GTF2A1L: variants seen among roughly 807,000 people sequenced by gnomAD.
GTF2A1L encodes general transcription factor IIA subunit 1 like, also known as TFIIA-alpha and beta-like factor.
GTF2A1L carries 48 observed loss-of-function variants against 49.7 expected under a neutral mutation model. The observed-to-expected ratio is 0.97, with a 90% CI of 0.77 to 1.23. The LOEUF (loss-of-function observed/expected upper bound fraction) is 1.23. Among genes scored for constraint, GTF2A1L ranks in the 50% most tolerant of loss-of-function variants. The pLI, the probability that GTF2A1L is intolerant of heterozygous loss-of-function variation, is 0.00. For synonymous variants in GTF2A1L, 246 were observed against 193.5 expected, an observed-to-expected ratio of 1.27 and a Z score of -2.25; for missense variants, 736 against 564.8, an observed-to-expected ratio of 1.30 and a Z score of -3.07.
At chr2:48,657,121 A>G (rs1211396535) in intron 6 of GTF2A1L, among the ~76,000 whole-genome samples, 10 of 152,122 alleles carry the variant, frequency 6.6e-5, no homozygotes, top group Non-Finnish European at 1.5e-5. Context: ...TTTATTTAAG[A>G]TTCAGGGAGT....
intron 6 of GTF2A1L, among the ~76,000 whole-genome samples, chr2:48,660,585 G>T (rs183744691): frequency 1.3e-5 from 2 of 151,964 alleles, no homozygotes; most frequent in African/African-American, 4.8e-5. Context: ...TTCTCTTAAA[G>T]TTCTTTATAT....
rs746288394 is a variant in GTF2A1L at position 48,646,977 on chromosome 2, G to C, written c.913G>C (p.Gly305Arg). ...TCATATTCTTAAAAATAGGATGTAT[G>C]GATGTGATTCTGTAAAGCAACCAAG... The part of the protein sequence containing the change: ...QLHILKNRMY[G>R]CDSVKQPRNI... The change falls in exon 6 of 9, where the codon GGA (glycine) becomes CGA (arginine). Residue 305 changes from glycine (G) to arginine (R), a missense_variant. Physicochemically the swap from Gly to Arg is moderately radical, Grantham distance 125. Coordinates refer to ENST00000403751, the MANE Select transcript of GTF2A1L (RefSeq NM_006872.5). 5.6e-6 allele frequency: 9 copies of C among 1,614,094 alleles called. No homozygotes were observed. The South Asian group carries it at 7.7e-5, about 14-fold the overall frequency.
chr2:48,623,731 T>G (rs1676142140), intron 3 of GTF2A1L, among the ~76,000 whole-genome samples: 1 of 152,120 alleles, frequency 6.6e-6, no homozygotes, highest in Admixed American at 6.5e-5. Flanking sequence ...TATGCAACCT[T>G]AAAAAAGAGA....
At chr2:48,625,392 A>G (rs528816436) in intron 3 of GTF2A1L, among the ~76,000 whole-genome samples, 6 of 143,888 alleles carry the variant, frequency 4.2e-5, no homozygotes, top group Non-Finnish European at 6.3e-5. Context: ...TCCTTTGCCA[A>G]TTTTTGAAAA....
chr2:48,649,872 G>A (rs186500503), intron 6 of GTF2A1L, among the ~76,000 whole-genome samples: 57 of 152,188 alleles, frequency 3.7e-4, no homozygotes, highest in Middle Eastern at 3.4e-3. Flanking sequence ...ATACTTTACT[G>A]GGAACACCAA....
At chr2:48,676,061 A>T (rs1417323707) in intron 8 of GTF2A1L, among the ~76,000 whole-genome samples, 3 of 151,942 alleles carry the variant, frequency 2.0e-5, no homozygotes, top group Non-Finnish European at 2.9e-5. Flanking sequence ...ATAAGTAGTT[A>T]TATTAGTTTT....
At chr2:48,644,913 T>C in intron 4 of GTF2A1L, 120 bp from the exon 5 acceptor site, 2 of 777,624 alleles carry the variant, frequency 2.6e-6, no homozygotes, top group Non-Finnish European at 2.0e-6. Flanking sequence ...TAATATTAAA[T>C]GTTAAGTATT....
chr2:48,662,979 G>T (rs902381182), intron 6 of GTF2A1L, among the ~76,000 whole-genome samples: 1 of 151,908 alleles, frequency 6.6e-6, no homozygotes, highest in Non-Finnish European at 1.5e-5. Flanking sequence ...TATTACCTGG[G>T]TGATGAAATT....
In GTF2A1L at chr2:48,625,569, T is replaced by C. The variant is rs865882124; in HGVS notation, c.247+4279T>C. Among the ~76,000 whole-genome samples, 17 of 143,362 alleles carry C rather than the reference T, an allele frequency of 1.2e-4. 3 individuals carry two copies. The highest frequency in any genetic ancestry group is 4.3e-4 in the Admixed American group (6 of 14,076). The allele number at this position is 143,362 out of a possible 152,430, so 94.1% of individuals were successfully genotyped here. ...TGTGCAGGAGCTTTTTAATTTGATGTCTGTATTTATTTTATTTTATTTTAT... is the reference window on the plus strand; with the variant it reads ...TGTGCAGGAGCTTTTTAATTTGATGCCTGTATTTATTTTATTTTATTTTAT... On this transcript the variant is annotated intron_variant, in intron 3 of 8. Coordinates refer to ENST00000403751, the MANE Select transcript of GTF2A1L (RefSeq NM_006872.5).
At chr2:48,666,545 G>A (rs1448426157) in intron 6 of GTF2A1L, among the ~76,000 whole-genome samples, 1 of 151,358 alleles carries the variant, frequency 6.6e-6, no homozygotes, top group Non-Finnish European at 1.5e-5. Flanking sequence ...AGATGTTTAG[G>A]CCATTTATAT....
chr2:48,645,715 C>T (rs1677458344), intron 5 of GTF2A1L, among the ~76,000 whole-genome samples: 3 of 152,204 alleles, frequency 2.0e-5, no homozygotes, highest in African/African-American at 7.2e-5. Context: ...GTGGCGCAAT[C>T]TCTGCTCACT....
intron 4 of GTF2A1L, among the ~76,000 whole-genome samples, chr2:48,643,741 C>G (rs531596740): frequency 6.7e-6 from 1 of 148,622 alleles, no homozygotes; most frequent in South Asian, 2.2e-4. Flanking sequence ...CTCTGTCACC[C>G]AAGTCTGGAG....
intron 6 of GTF2A1L, among the ~76,000 whole-genome samples, chr2:48,667,676 A>C (rs978220266): frequency 6.6e-6 from 1 of 152,220 alleles, no homozygotes; most frequent in Non-Finnish European, 1.5e-5. Flanking sequence ...AGTAAAAATT[A>C]ATTACATGTA....
At chr2:48,669,413 C>T (rs1679045033) in intron 6 of GTF2A1L, among the ~76,000 whole-genome samples, 1 of 151,956 alleles carries the variant, frequency 6.6e-6, no homozygotes, top group Non-Finnish European at 1.5e-5. Context: ...TAGTTAAATC[C>T]TAATAGGTAC....
chr2:48,665,985 T>C (rs988285166), intron 6 of GTF2A1L, among the ~76,000 whole-genome samples: 1 of 152,140 alleles, frequency 6.6e-6, no homozygotes, highest in African/African-American at 2.4e-5. Flanking sequence ...TGTTTGTAGG[T>C]ATATAAGTAT....
intron 8 of GTF2A1L, among the ~76,000 whole-genome samples, chr2:48,678,415 CTG>C (rs1340060170): frequency 6.6e-6 from 1 of 151,996 alleles, no homozygotes; most frequent in African/African-American, 2.4e-5. Context: ...GGGGTTTATC[CTG>C]TGTGTTTTCT....
At chr2:48,627,879 C>A (rs1441641827) in intron 3 of GTF2A1L, among the ~76,000 whole-genome samples, 1 of 143,220 alleles carries the variant, frequency 7.0e-6, no homozygotes, top group Non-Finnish European at 1.6e-5. Flanking sequence ...TTCCTCTCAC[C>A]CTCATCCCTC....
chr2:48,661,696 A>ATT (rs71399072), intron 6 of GTF2A1L, among the ~76,000 whole-genome samples: 3 of 151,472 alleles, frequency 2.0e-5, no homozygotes, highest in Non-Finnish European at 2.9e-5. Context: ...CCTAAAATCC[A>ATT]TTTTTTTTCT....
At position 48,669,788 on chromosome 2, in the gene GTF2A1L, G is replaced by C; in HGVS notation, c.1045G>C (p.Val349Leu). 6.2e-7 allele frequency: 1 copy of C among 1,613,994 alleles called. No individual in the cohort carries two copies. Among genetic ancestry groups the C allele is most frequent in the Non-Finnish European group, 8.5e-7 (1 of 1,179,958 alleles). The change falls in exon 7 of 9, where the codon GTA becomes CTA. Residue 349 changes from valine (V) to leucine (L), a missense_variant. Transcript: ENST00000403751. The part of the protein sequence containing the change: ...TDDDIGEIIQ[V>L]DGSGDTSSNE... ...TGATGATATTGGTGAAATAATTCAA[G>C]TAGATGGAAGCGGTGATACATCTTC...
Sources: allele counts gnomAD v4.1 joint callset (sites outside exome capture counted in the v4.1 genomes callset), GRCh38; gene constraint gnomAD v4.1.1; transcripts MANE v1.5; gene names NCBI Gene and HGNC (gene_info 2026-07-23, HGNC 2026-07-21).